SLC25A24: variants seen among roughly 807,000 people sequenced by gnomAD.
SLC25A24 encodes the protein solute carrier family 25 member 24.
A neutral mutation model predicts 60.7 loss-of-function variants in SLC25A24; 49 were observed. The observed-to-expected ratio is 0.81, with a 90% CI of 0.64 to 1.02. SLC25A24 has a LOEUF of 1.02. Among genes scored for constraint, SLC25A24 ranks in the 50% least tolerant of loss-of-function variants. The probability of loss-of-function intolerance (pLI) is 0.00; values close to 1 mark genes in which losing one functional copy is unlikely to be tolerated. For missense variants in SLC25A24, 564 were observed against 586.3 expected (o/e 0.96, Z 0.39); for synonymous variants, 202 against 200.6 (o/e 1.01, Z -0.06).
intron 2 of SLC25A24, among the ~76,000 whole-genome samples, chr1:108,184,361 C>T (rs1648045977): frequency 6.6e-6 from 1 of 152,158 alleles, no homozygotes; most frequent in Admixed American, 6.5e-5. Context: ...TGAAAGTTTG[C>T]AGAGAAGAAA....
intron 5 of SLC25A24, 146 bp from the exon 6 acceptor site, chr1:108,155,281 T>A (rs534341793): frequency 2.7e-6 from 2 of 732,712 alleles, no homozygotes; most frequent in South Asian, 4.5e-5. Flanking sequence ...GAAAAATATA[T>A]ATAATGATGA....
chr1:108,192,898 C>T, intron 1 of SLC25A24: 1 of 578,558 alleles, frequency 1.7e-6, no homozygotes, highest in Non-Finnish European at 2.4e-6. Flanking sequence ...CGCGGAGTTC[C>T]TGCCTCACTC....
chr1:108,200,073 C>T lies in SLC25A24; in HGVS notation c.66G>A (p.Thr22=), dbSNP rs949178580. The T allele has an allele frequency of 6.3e-7, 1 of 1,591,028 alleles. No homozygotes were observed. The highest frequency in any genetic ancestry group is 1.8e-5 in the Admixed American group (1 of 56,448). Residue 22 remains threonine, a synonymous_variant, in exon 1 of 10, where the codon ACG becomes ACA. Coordinates refer to ENST00000565488, the MANE Select transcript of SLC25A24 (RefSeq NM_013386.5). ...GTGCCTGGAAGAGGGTCTCGTAGCG[C>T]GTCGGCTGCTCCGCGTCCTGGCAGG... ...TAACQDAEQP[T]RYETLFQALD... is the part of the protein sequence containing the mutation.
intron 7 of SLC25A24, among the ~76,000 whole-genome samples, chr1:108,147,911 C>G (rs1558009425): frequency 1.3e-5 from 2 of 152,198 alleles, no homozygotes; most frequent in East Asian, 3.9e-4. Flanking sequence ...CTCTCTCTCT[C>G]TGTTGGACCA....
intron 1 of SLC25A24, chr1:108,199,692 C>T (rs1648599683): frequency 1.9e-6 from 1 of 536,724 alleles, no homozygotes; most frequent in African/African-American, 2.0e-5. Context: ...AAAAATTTAA[C>T]AGTGCCCGTG....
At chr1:108,180,914 T>C (rs1301716800) in intron 3 of SLC25A24, among the ~76,000 whole-genome samples, 1 of 152,248 alleles carries the variant, frequency 6.6e-6, no homozygotes, top group Non-Finnish European at 1.5e-5. Flanking sequence ...AAAGAAAATA[T>C]AGGAATATGA....
chr1:108,164,307 A>C (rs1176218092), intron 3 of SLC25A24, among the ~76,000 whole-genome samples: 2 of 151,750 alleles, frequency 1.3e-5, no homozygotes, highest in Non-Finnish European at 2.9e-5. Context: ...CTGGCCTCAT[A>C]AAATGAGTTA....
At chr1:108,150,518 A>C (rs1465539063) in intron 6 of SLC25A24, among the ~76,000 whole-genome samples, 1 of 152,054 alleles carries the variant, frequency 6.6e-6, no homozygotes, top group Non-Finnish European at 1.5e-5. Flanking sequence ...GATCTTCTCC[A>C]TTCTCCTCCA....
intron 3 of SLC25A24, among the ~76,000 whole-genome samples, chr1:108,167,322 G>A (rs1680286549): frequency 6.6e-6 from 1 of 152,032 alleles, no homozygotes; most frequent in African/African-American, 2.4e-5. Flanking sequence ...GCTCCACCCA[G>A]TTTGAGCTTC....
At chr1:108,175,422 A>G (rs483253) in intron 3 of SLC25A24, among the ~76,000 whole-genome samples, 132,387 of 152,248 alleles carry the variant, frequency 0.87, 57,826 homozygotes, top group African/African-American at 0.95. Context: ...AAGCAAAAGT[A>G]AGTCAATTAA....
At chr1:108,141,737 T>C (rs1261324549) in intron 8 of SLC25A24, among the ~76,000 whole-genome samples, 2 of 152,198 alleles carry the variant, frequency 1.3e-5, no homozygotes, top group African/African-American at 4.8e-5. Context: ...GAGGAAACTA[T>C]GTTACATGAA....
intron 6 of SLC25A24, among the ~76,000 whole-genome samples, chr1:108,150,225 A>G (rs1679719873): frequency 6.6e-6 from 1 of 152,210 alleles, no homozygotes; most frequent in African/African-American, 2.4e-5. Context: ...ATAAATATTT[A>G]AAGGATAAGT....
At chr1:108,168,269 G>A (rs934502376) in intron 3 of SLC25A24, among the ~76,000 whole-genome samples, 4 of 152,120 alleles carry the variant, frequency 2.6e-5, no homozygotes, top group Non-Finnish European at 5.9e-5. Context: ...GAGAGTCCTA[G>A]TCACTACTTA....
chr1:108,140,335 G>T (rs1679410581), intron 8 of SLC25A24, among the ~76,000 whole-genome samples: 1 of 152,146 alleles, frequency 6.6e-6, no homozygotes, highest in African/African-American at 2.4e-5. Flanking sequence ...AATTAAGACT[G>T]TCCCTGACAA....
chr1:108,193,138 T>A (rs1294555674), intron 1 of SLC25A24, among the ~76,000 whole-genome samples: 1 of 140,150 alleles, frequency 7.1e-6, no homozygotes, highest in African/African-American at 2.5e-5. Context: ...GCTGCACCTG[T>A]CTAGGAATCC....
At chr1:108,183,659 C>G (rs1360279299) in intron 2 of SLC25A24, among the ~76,000 whole-genome samples, 1 of 152,166 alleles carries the variant, frequency 6.6e-6, no homozygotes, top group Non-Finnish European at 1.5e-5. Context: ...CATGCTATGG[C>G]TTTCTTGCAC....
intron 6 of SLC25A24, among the ~76,000 whole-genome samples, chr1:108,151,434 C>A (rs923418950): frequency 6.6e-6 from 1 of 152,090 alleles, no homozygotes; most frequent in Non-Finnish European, 1.5e-5. Flanking sequence ...TTATACTAAG[C>A]TTACCTATCT....
chr1:108,171,336 A>G (rs1002127949), intron 3 of SLC25A24, among the ~76,000 whole-genome samples: 1 of 152,280 alleles, frequency 6.6e-6, no homozygotes, highest in East Asian at 1.9e-4. Context: ...CCTAACTTAC[A>G]TACTATTATT....
At chr1:108,138,963 AAAC>A (rs1679366274) in intron 9 of SLC25A24, 92 bp downstream of exon 9, 2 of 1,258,548 alleles carry the variant, frequency 1.6e-6, no homozygotes, top group African/African-American at 3.0e-5. Context: ...TACTGTCTTA[AAAC>A]TACAGTCTGC....
Sources: gnomAD v4.1 joint callset for allele counts (sites outside exome capture counted in the v4.1 genomes callset) on GRCh38, gnomAD v4.1.1 for gene constraint, MANE v1.5 for transcripts, NCBI Gene and HGNC (gene_info 2026-07-23, HGNC 2026-07-21) for gene names.